ANKUB1: variants seen among roughly 807,000 people sequenced by gnomAD.
The protein encoded by ANKUB1 is protein ANKUB1.
Under a neutral mutation model 49.3 loss-of-function variants are expected in ANKUB1, and 42 were observed. The observed-to-expected ratio is 0.85, with a 90% CI of 0.67 to 1.10. The LOEUF (loss-of-function observed/expected upper bound fraction) is 1.10, where lower values mean the gene tolerates loss of function less well. Among genes scored for constraint, ANKUB1 ranks in the 50% least tolerant of loss-of-function variants. The probability of loss-of-function intolerance (pLI) is 0.00; values close to 1 mark genes in which losing one functional copy is unlikely to be tolerated. For missense variants in ANKUB1, 613 were observed against 642.0 expected (o/e 0.95, Z 0.49); for synonymous variants, 222 against 231.0 (o/e 0.96, Z 0.35).
chr3:149,763,560 A>G (rs896130612), intron 5 of ANKUB1, among the ~76,000 whole-genome samples: 2 of 152,226 alleles, frequency 1.3e-5, no homozygotes, highest in Non-Finnish European at 2.9e-5. Flanking sequence ...TGAGATTATC[A>G]TCTATTCTCA....
intron 2 of ANKUB1, among the ~76,000 whole-genome samples, chr3:149,781,010 T>C (rs2108275507): frequency 6.6e-6 from 1 of 151,056 alleles, no homozygotes; most frequent in East Asian, 1.9e-4. Context: ...CCTTTTTTTT[T>C]TTTTTTTGTC....
intron 2 of ANKUB1, among the ~76,000 whole-genome samples, chr3:149,787,550 A>G (rs1188562501): frequency 1.3e-5 from 2 of 152,160 alleles, no homozygotes; most frequent in Non-Finnish European, 2.9e-5. Context: ...TCCTAATTGA[A>G]TACCCTTTAT....
intron 5 of ANKUB1, chr3:149,766,788 A>C (rs1717035891): frequency 9.1e-7 from 1 of 1,095,550 alleles, no homozygotes; most frequent in African/African-American, 1.6e-5. Context: ...ACAGAACGAG[A>C]CCCTGTCTCA....
chr3:149,769,898 A>G (rs533162569), intron 4 of ANKUB1, among the ~76,000 whole-genome samples: 37 of 152,270 alleles, frequency 2.4e-4, no homozygotes, highest in Non-Finnish European at 4.6e-4. Flanking sequence ...TTTAATCACC[A>G]TTTAATGACC....
chr3:149,767,138 T>C lies in ANKUB1; in HGVS notation c.1505+19A>G. 1 of 1,492,654 alleles carries C rather than the reference T, an allele frequency of 6.7e-7. No homozygotes were observed. The highest frequency in any genetic ancestry group is 8.9e-7 in the Non-Finnish European group (1 of 1,120,296). The allele number at this position is 1,492,654 out of a possible 1,614,324, so 92.5% of individuals were successfully genotyped here. The stretch of plus-strand genomic sequence containing the variant: ...TTATAAAAGCTTTGCTGTTTGTATG[T>C]TTAAGGGGAGAACATTACCTTGCCA... On this transcript the variant is annotated intron_variant, in intron 5 of 5. Transcript: ENST00000446160.
At chr3:149,776,396 G>A (rs1717597745) in intron 3 of ANKUB1, among the ~76,000 whole-genome samples, 1 of 152,086 alleles carries the variant, frequency 6.6e-6, no homozygotes, top group African/African-American at 2.4e-5. Flanking sequence ...ACCCCTCATA[G>A]GGCTTGGTCT....
chr3:149,781,642 G>C (rs1278692208), intron 2 of ANKUB1, among the ~76,000 whole-genome samples: 1 of 151,856 alleles, frequency 6.6e-6, no homozygotes, highest in East Asian at 1.9e-4. Flanking sequence ...TTCCTCCAGG[G>C]CCCCCCCAGT....
rs545344976 is a variant in ANKUB1 at position 149,766,790 on chromosome 3, C to A, written c.1505+367G>T. On this transcript the variant is annotated intron_variant, in intron 5 of 5. Coordinates refer to ENST00000446160, the MANE Select transcript of ANKUB1 (RefSeq NM_001144960.3). ...TCCAGCCTGAGCAACAGAACGAGAC[C>A]CTGTCTCAAACAAAAAGAAAAAAGA... The A allele has an allele frequency of 1.8e-5, 20 of 1,093,746 alleles. 1 individual carries two copies. In the South Asian group the frequency reaches 2.5e-4, roughly 14 times the overall value. The allele number at this position is 1,093,746 out of a possible 1,614,324, so 67.8% of individuals were successfully genotyped here.
At chr3:149,768,735 A>C (rs2014610) in intron 4 of ANKUB1, among the ~76,000 whole-genome samples, 12 of 152,148 alleles carry the variant, frequency 7.9e-5, no homozygotes, top group Admixed American at 7.2e-4. Context: ...AGAAACAGGA[A>C]TTTCGCTACG....
chr3:149,780,069 A>G, intron 3 of ANKUB1, 170 bp downstream of exon 3: 1 of 648,394 alleles, frequency 1.5e-6, no homozygotes, highest in Non-Finnish European at 2.6e-6. Flanking sequence ...TTCACTTCTG[A>G]TATTTAAACT....
chr3:149,786,731 T>A (rs1318522074), intron 2 of ANKUB1, among the ~76,000 whole-genome samples: 1 of 152,258 alleles, frequency 6.6e-6, no homozygotes, highest in Non-Finnish European at 1.5e-5. Flanking sequence ...CATTTAAGTC[T>A]TTAATCCATC....
intron 5 of ANKUB1, among the ~76,000 whole-genome samples, chr3:149,765,137 A>G (rs1033173980): frequency 2.0e-5 from 3 of 152,254 alleles, no homozygotes; most frequent in African/African-American, 7.2e-5. Flanking sequence ...AATGCTACAT[A>G]GAAATAAGAA....
At chr3:149,777,674 G>A (rs1243886131) in intron 3 of ANKUB1, among the ~76,000 whole-genome samples, 1 of 152,104 alleles carries the variant, frequency 6.6e-6, no homozygotes, top group African/African-American at 2.4e-5. Context: ...GTCCCTCCCT[G>A]GAATGTCTTC....
In ANKUB1 at chr3:149,792,302, A is replaced by G; in HGVS notation, c.65T>C (p.Val22Ala). The change falls in exon 1 of 6, where the codon GTG becomes GCG. Residue 22 changes from valine (V) to alanine (A), a missense_variant. Val to Ala is a moderately conservative substitution (Grantham distance 64, BLOSUM62 0). Coordinates refer to ENST00000446160, the MANE Select transcript of ANKUB1 (RefSeq NM_001144960.3). Reference protein sequence around the residue: ...EPFDVSADETVEVVKLMIKDY... With the variant: ...EPFDVSADETAEVVKLMIKDY... Reference sequence around the variant, plus strand: ...CTTTATCATCAGCTTGACAACCTCCACAGTTTCATCTGCTGAAACATCAAA... The same window carrying G: ...CTTTATCATCAGCTTGACAACCTCCGCAGTTTCATCTGCTGAAACATCAAA... 1 of 1,530,756 alleles carries G rather than the reference A, an allele frequency of 6.5e-7. No individual in the cohort carries two copies. The highest frequency in any genetic ancestry group is 8.8e-7 in the Non-Finnish European group (1 of 1,135,894). The allele number at this position is 1,530,756 out of a possible 1,614,324, so 94.8% of individuals were successfully genotyped here.
intron 5 of ANKUB1, among the ~76,000 whole-genome samples, chr3:149,765,546 A>G (rs1277199290): frequency 2.0e-5 from 3 of 149,398 alleles, no homozygotes; most frequent in Non-Finnish European, 2.9e-5. Context: ...ACACACACAC[A>G]TGCACACACA....
rs545845163 is a variant in ANKUB1, at chr3:149,785,769, T to C, written c.234+5012A>G. On this transcript the variant is annotated intron_variant, in intron 2 of 5. Transcript: ENST00000446160. ...AGCATGATTGATAATCCTTTGTATA[T>C]ATACCCAGTAAAGAGATGGCTGGGT... Among the ~76,000 whole-genome samples, 188 of 152,282 alleles carry C rather than the reference T, an allele frequency of 1.2e-3. 1 individual carries two copies. Among genetic ancestry groups the C allele is most frequent in the South Asian group, 3.7e-3 (18 of 4,826 alleles).
At position 149,761,335 on chromosome 3, in the gene ANKUB1, C is replaced by T; in HGVS notation, c.*149G>A. On this transcript the variant is annotated 3_prime_UTR_variant, in exon 6 of 6. Transcript: ENST00000446160. ...CTTAGTGTGATGAAGTCTGAGAAAA[C>T]ATGGTGTTAAATATCCTATTAAAAG... The T allele has an allele frequency of 1.1e-6, 1 of 886,866 alleles. No individual in the cohort carries two copies. The highest frequency in any genetic ancestry group is 3.0e-5 in the Admixed American group (1 of 32,808). The allele number at this position is 886,866 out of a possible 1,614,324, so 54.9% of individuals were successfully genotyped here. A position where few individuals can be genotyped will look rare whatever the true frequency, so the allele number is the denominator to read the frequency against.
At chr3:149,776,700 C>G (rs1717609876) in intron 3 of ANKUB1, among the ~76,000 whole-genome samples, 2 of 152,164 alleles carry the variant, frequency 1.3e-5, no homozygotes. Flanking sequence ...GTAGCTCACT[C>G]CTGTAATCCC....
rs1214901161 is a variant in ANKUB1 at position 149,767,617 on chromosome 3, C to T, written c.1045G>A (p.Val349Met). 6.4e-7 allele frequency: 1 copy of T among 1,551,596 alleles called. No homozygotes were observed. Among genetic ancestry groups the T allele is most frequent in the Non-Finnish European group, 8.7e-7 (1 of 1,147,004 alleles). ...ATTTTTGGTTTGGTGAAACCATCCA[C>T]CATCACAGTGTCTCCAACTTTTGCC... ...FGAKVGDTVM[V>M]DGFTKPKMTS... The change falls in exon 5 of 6, where the codon GTG (valine) becomes ATG (methionine). Residue 349 changes from valine to methionine, a missense_variant. Transcript: ENST00000446160.
Sources: gnomAD v4.1 joint callset for allele counts (sites outside exome capture counted in the v4.1 genomes callset) on GRCh38, gnomAD v4.1.1 for gene constraint, MANE v1.5 for transcripts, NCBI Gene and HGNC (gene_info 2026-07-23, HGNC 2026-07-21) for gene names.